The following INTS9 variants were observed in gnomAD, a reference collection of about 807,000 sequenced individuals.
The protein encoded by INTS9 is protein related to CPSF subunits of 74 kDa.
In INTS9, 55 loss-of-function variants were observed where a neutral mutation model predicts 79.7. The observed-to-expected ratio is 0.69, with a 90% CI of 0.56 to 0.86. INTS9 has a LOEUF of 0.86. Among genes scored for constraint, INTS9 ranks in the 40% least tolerant of loss-of-function variants. INTS9 has a pLI of 0.00. For missense variants in INTS9, 721 were observed against 831.5 expected (o/e 0.87, Z 1.64); for synonymous variants, 319 against 325.2 (o/e 0.98, Z 0.20).
rs773487425 is a variant in INTS9 at position 28,793,791 on chromosome 8, A to C, written c.1037+16T>G. On this transcript the variant is annotated intron_variant, in intron 10 of 16. Transcript: ENST00000521022. ...CAAATAAAATTCACAAAAAAAAAAA[A>C]AAACCACGGACATACCACTCAGCAA... The C allele has an allele frequency of 6.5e-7, 1 of 1,529,120 alleles. No individual in the cohort carries two copies. Among genetic ancestry groups the C allele is most frequent in the Non-Finnish European group, 8.8e-7 (1 of 1,137,364 alleles). 94.7% of individuals were successfully genotyped at this position (1,529,120 alleles called of 1,614,324 possible).
rs1026987773 is a variant in INTS9 at position 28,779,908 on chromosome 8, C to A, written c.1270+915G>T. Among the ~76,000 whole-genome samples, 4 of 152,156 alleles carry A rather than the reference C, an allele frequency of 2.6e-5. 1 individual carries two copies. Among genetic ancestry groups the A allele is most frequent in the Admixed American group, 6.5e-5 (1 of 15,280 alleles). ...GGAGCTGGTGACAGTGCTTTCCCAA[C>A]AGCCGCCATGTGCCGGGTTCTGTGC... On this transcript the variant is annotated intron_variant, in intron 12 of 16. Coordinates refer to ENST00000521022, the MANE Select transcript of INTS9 (RefSeq NM_018250.4).
At position 28,875,300 on chromosome 8, in the gene INTS9, C is replaced by CATAATA. The variant is rs776535415; in HGVS notation, c.9+14568_9+14573dup. Among the ~76,000 whole-genome samples the CATAATA allele has an allele frequency of 5.1e-4, 78 of 152,200 alleles. No individual in the cohort carries two copies. In the East Asian group the frequency reaches 8.9e-3, roughly 17 times the overall value. ...AGAGCACTACAAAGCAAAAAAAATA[C>CATAATA]ATAATAAATTGTACACATACATCAC... On this transcript the variant is annotated intron_variant, in intron 1 of 16. Coordinates refer to ENST00000521022, the MANE Select transcript of INTS9 (RefSeq NM_018250.4).
chr8:28,789,674 A>C (rs1803814283), intron 10 of INTS9, among the ~76,000 whole-genome samples: 1 of 152,192 alleles, frequency 6.6e-6, no homozygotes, highest in Non-Finnish European at 1.5e-5. Flanking sequence ...CGGGCAGATC[A>C]CTTGAACCCA....
intron 12 of INTS9, among the ~76,000 whole-genome samples, chr8:28,778,531 G>A (rs1803040512): frequency 6.6e-6 from 1 of 152,284 alleles, no homozygotes; most frequent in Admixed American, 6.5e-5. Flanking sequence ...CCGCCTCCAG[G>A]CCCGTGAATG....
chr8:28,828,894 A>G (rs187516937), intron 6 of INTS9, among the ~76,000 whole-genome samples: 4 of 152,072 alleles, frequency 2.6e-5, no homozygotes, highest in African/African-American at 9.7e-5. Context: ...TATTGGTCAC[A>G]CTGGTCTTGA....
At chr8:28,866,509 C>A (rs1256249863) in intron 1 of INTS9, among the ~76,000 whole-genome samples, 2 of 152,120 alleles carry the variant, frequency 1.3e-5, no homozygotes, top group African/African-American at 4.8e-5. Flanking sequence ...CCTTACAGAC[C>A]CCAGGGGCAA....
intron 1 of INTS9, 114 bp downstream of exon 1, chr8:28,889,760 G>A (rs1810511573): frequency 8.3e-7 from 1 of 1,200,812 alleles, no homozygotes; most frequent in Admixed American, 2.2e-5. Context: ...CCACTTTCCA[G>A]CTCAATAATT....
At chr8:28,778,081 G>T in intron 12 of INTS9, 128 bp from the exon 13 acceptor site, 3 of 1,014,422 alleles carry the variant, frequency 3.0e-6, no homozygotes, top group South Asian at 1.9e-5. Context: ...AAGCACACGT[G>T]GGGGACGGAG....
At chr8:28,860,979 T>G (rs1186335965) in intron 1 of INTS9, among the ~76,000 whole-genome samples, 1 of 152,180 alleles carries the variant, frequency 6.6e-6, no homozygotes, top group Non-Finnish European at 1.5e-5. Flanking sequence ...AAACTGCATG[T>G]TCTAAAAATG....
chr8:28,831,078 G>A (rs1050737861), intron 6 of INTS9, among the ~76,000 whole-genome samples: 1 of 152,162 alleles, frequency 6.6e-6, no homozygotes, highest in Non-Finnish European at 1.5e-5. Flanking sequence ...ATCAATGACA[G>A]ACTGGATTAA....
chr8:28,813,688 TC>T, intron 6 of INTS9, 76 bp from the exon 7 acceptor site: 1 of 1,496,910 alleles, frequency 6.7e-7, no homozygotes, highest in Non-Finnish European at 9.2e-7. Flanking sequence ...TAGTAATTTG[TC>T]CATTTGATCC....
intron 1 of INTS9, among the ~76,000 whole-genome samples, chr8:28,859,901 G>C (rs1808361014): frequency 6.6e-6 from 1 of 152,170 alleles, no homozygotes; most frequent in Non-Finnish European, 1.5e-5. Context: ...TTTCCCCTTT[G>C]TATGTAAGTA....
chr8:28,775,847 C>T lies in INTS9; in HGVS notation c.1475G>A (p.Cys492Tyr), dbSNP rs1465680125. 2 of 1,613,256 alleles carry T rather than the reference C, an allele frequency of 1.2e-6. No homozygotes were observed. The highest frequency in any genetic ancestry group is 3.3e-5 in the Admixed American group (2 of 59,848). ...CCGATAGGACATGGCGGGGGGCTGGCAGTCGATCATGAGGTCCATCCTGTG... is the reference window on the plus strand; with the variant it reads ...CCGATAGGACATGGCGGGGGGCTGGTAGTCGATCATGAGGTCCATCCTGTG... ...QSHRMDLMID[C>Y]QPPAMSYRRA... Residue 492 changes from cysteine to tyrosine, a missense_variant, in exon 14 of 17, where the codon TGC becomes TAC. Coordinates refer to ENST00000521022, the MANE Select transcript of INTS9 (RefSeq NM_018250.4).
chr8:28,834,395 A>G (rs1806679129), intron 6 of INTS9, among the ~76,000 whole-genome samples: 1 of 152,186 alleles, frequency 6.6e-6, no homozygotes. Flanking sequence ...CAAACTTCAC[A>G]TATGAGAATC....
intron 12 of INTS9, 150 bp downstream of exon 12, chr8:28,780,673 C>T (rs1322267578): frequency 2.1e-5 from 30 of 1,433,602 alleles, no homozygotes; most frequent in Non-Finnish European, 2.5e-5. Context: ...TCTTTCTCTG[C>T]GGTTTCTTCA....
chr8:28,786,451 G>A (rs996228687), intron 11 of INTS9, among the ~76,000 whole-genome samples: 4 of 151,862 alleles, frequency 2.6e-5, no homozygotes, highest in Non-Finnish European at 2.9e-5. Flanking sequence ...CCACCACACC[G>A]GGCTAATTTT....
At chr8:28,778,215 T>A (rs1803010823) in intron 12 of INTS9, among the ~76,000 whole-genome samples, 2 of 152,046 alleles carry the variant, frequency 1.3e-5, no homozygotes, top group Non-Finnish European at 2.9e-5. Flanking sequence ...AAAAGAAAGC[T>A]CTTTTTACAA....
At chr8:28,881,783 A>G (rs1476727955) in intron 1 of INTS9, among the ~76,000 whole-genome samples, 1 of 140,034 alleles carries the variant, frequency 7.1e-6, no homozygotes, top group African/African-American at 2.7e-5. Context: ...CCTACTGGGA[A>G]GTGAGGAGCC....
chr8:28,824,988 C>G (rs1185191753), intron 6 of INTS9, among the ~76,000 whole-genome samples: 2 of 152,184 alleles, frequency 1.3e-5, no homozygotes, highest in Non-Finnish European at 2.9e-5. Flanking sequence ...TCCAACACAG[C>G]CCCAGAAGCA....
Sources: gnomAD v4.1 joint callset for allele counts (sites outside exome capture counted in the v4.1 genomes callset) on GRCh38, gnomAD v4.1.1 for gene constraint, MANE v1.5 for transcripts, NCBI Gene and HGNC (gene_info 2026-07-23, HGNC 2026-07-21) for gene names.